Variants in TCF7L1 observed in about 807,000 individuals in gnomAD.
TCF7L1 encodes the protein transcription factor 7 like 1, also known as transcription factor 7-like 1.
In TCF7L1, 18 loss-of-function variants were observed where a neutral mutation model predicts 63.7. The observed-to-expected ratio is 0.28, with a 90% CI of 0.20 to 0.42. The LOEUF (loss-of-function observed/expected upper bound fraction) is 0.42, where lower values mean the gene tolerates loss of function less well. Among genes scored for constraint, TCF7L1 ranks in the 10% least tolerant of loss-of-function variants. The pLI is 1.00. For synonymous variants in TCF7L1, 355 were observed against 340.9 expected (o/e 1.04, Z -0.46); for missense variants, 654 against 779.3 (o/e 0.84, Z 1.91).
At chr2:85,304,210 C>T (rs369228939) in intron 6 of TCF7L1, 45 bp from the exon 7 acceptor site, 4 of 1,583,186 alleles carry the variant, frequency 2.5e-6, no homozygotes, top group South Asian at 1.1e-5. Context: ...CTTCCTCTGC[C>T]CTGAGCTTTC....
intron 4 of TCF7L1, among the ~76,000 whole-genome samples, chr2:85,289,777 T>C (rs1039896527): frequency 6.6e-6 from 1 of 151,716 alleles, no homozygotes; most frequent in African/African-American, 2.4e-5. Flanking sequence ...GTTCAAGAGA[T>C]TCTCCTGCCT....
At chr2:85,143,791 G>C (rs192547830) in intron 3 of TCF7L1, among the ~76,000 whole-genome samples, 1 of 152,350 alleles carries the variant, frequency 6.6e-6, no homozygotes, top group African/African-American at 2.4e-5. Flanking sequence ...AGCTGGGGTT[G>C]AGGGTGGATA....
intron 3 of TCF7L1, among the ~76,000 whole-genome samples, chr2:85,211,528 G>A (rs183784893): frequency 6.6e-6 from 1 of 152,360 alleles, no homozygotes; most frequent in Admixed American, 6.5e-5. Context: ...CCTTCCAGGA[G>A]GGGCAACAGC....
At chr2:85,252,763 A>G (rs921777143) in intron 3 of TCF7L1, among the ~76,000 whole-genome samples, 2 of 152,132 alleles carry the variant, frequency 1.3e-5, no homozygotes, top group Non-Finnish European at 2.9e-5. Flanking sequence ...AGGGAGCCCA[A>G]CCTCAGCACC....
intron 3 of TCF7L1, among the ~76,000 whole-genome samples, chr2:85,222,469 G>A (rs1679867879): frequency 6.6e-6 from 1 of 151,342 alleles, no homozygotes; most frequent in African/African-American, 2.4e-5. Context: ...GGAGTTCAAG[G>A]CCAGCCTGGG....
chr2:85,152,153 T>C (rs1678032373), intron 3 of TCF7L1, among the ~76,000 whole-genome samples: 1 of 152,240 alleles, frequency 6.6e-6, no homozygotes, highest in Admixed American at 6.5e-5. Context: ...CTCTGCTTAC[T>C]GGTCTGGCAG....
chr2:85,266,076 C>T (rs1393293342), intron 3 of TCF7L1, among the ~76,000 whole-genome samples: 1 of 152,112 alleles, frequency 6.6e-6, no homozygotes, highest in African/African-American at 2.4e-5. Context: ...TGTTTCGTAT[C>T]TTGCTTTTTC....
At chr2:85,234,363 T>C (rs974688669) in intron 3 of TCF7L1, among the ~76,000 whole-genome samples, 1 of 152,114 alleles carries the variant, frequency 6.6e-6, no homozygotes, top group African/African-American at 2.4e-5. Context: ...CTCGATCTCT[T>C]GACCTTGTGG....
At chr2:85,236,742 G>A (rs1360897499) in intron 3 of TCF7L1, among the ~76,000 whole-genome samples, 1 of 152,184 alleles carries the variant, frequency 6.6e-6, no homozygotes, top group Non-Finnish European at 1.5e-5. Flanking sequence ...GAGCTCCTGG[G>A]AGAAAGTCAG....
chr2:85,158,206 A>T (rs909299892), intron 3 of TCF7L1, among the ~76,000 whole-genome samples: 6 of 152,218 alleles, frequency 3.9e-5, no homozygotes, highest in Admixed American at 3.9e-4. Context: ...AGTCTAGTCC[A>T]GGACTCCTGC....
At chr2:85,165,936 G>A (rs916159066) in intron 3 of TCF7L1, among the ~76,000 whole-genome samples, 3 of 152,148 alleles carry the variant, frequency 2.0e-5, no homozygotes, top group Non-Finnish European at 2.9e-5. Flanking sequence ...CATGTTTTGT[G>A]TGTGTGTGTA....
At chr2:85,256,029 A>G (rs764788092) in intron 3 of TCF7L1, among the ~76,000 whole-genome samples, 25 of 152,130 alleles carry the variant, frequency 1.6e-4, no homozygotes, top group Non-Finnish European at 3.4e-4. Context: ...AGCGGGGAGC[A>G]TTGTCCATGT....
Position 85,236,639 on chromosome 2 carries a change from G to A in TCF7L1, c.442-46856G>A, listed in dbSNP as rs76146746. On this transcript the variant is annotated intron_variant, in intron 3 of 11. Transcript: ENST00000282111. ...AATTTCTTGGAAAGAGAGCCTTGCC[G>A]GGGATCAGTTATATGTATCTACCCA... Among the ~76,000 whole-genome samples, 1,215 of 152,236 alleles carry A rather than the reference G, an allele frequency of 8.0e-3. 10 individuals are homozygous for A. Among genetic ancestry groups the A allele is most frequent in the Non-Finnish European group, 0.013 (878 of 68,006 alleles).
intron 3 of TCF7L1, among the ~76,000 whole-genome samples, chr2:85,153,329 A>G (rs958838758): frequency 2.3e-5 from 3 of 131,318 alleles, no homozygotes; most frequent in Non-Finnish European, 4.8e-5. Flanking sequence ...TGATCTTGCT[A>G]GCCTTTATAA....
chr2:85,231,147 C>A (rs891001660), intron 3 of TCF7L1, among the ~76,000 whole-genome samples: 2 of 152,148 alleles, frequency 1.3e-5, no homozygotes, highest in African/African-American at 4.8e-5. Flanking sequence ...TAATGTGCGC[C>A]CCCAGGAAGC....
chr2:85,309,232 G>A lies in TCF7L1; in HGVS notation c.1537G>A (p.Ala513Thr). 1 of 1,614,000 alleles carries A rather than the reference G, an allele frequency of 6.2e-7. No homozygotes were observed. The highest frequency in any genetic ancestry group is 8.5e-7 in the Non-Finnish European group (1 of 1,180,012). Reference protein sequence around the residue: ...LSLTTKPETRAQLALHSAAFL... With the variant: ...LSLTTKPETRTQLALHSAAFL... ...CCTCACCACCAAACCAGAAACCCGG[G>A]CCCAGCTGGCTCTCCACTCTGCCGC... is the stretch of plus-strand genomic sequence containing the variant. Residue 513 changes from alanine to threonine, a missense_variant, in exon 12 of 12, where the codon GCC becomes ACC. Transcript: ENST00000282111.
intron 3 of TCF7L1, among the ~76,000 whole-genome samples, chr2:85,263,829 G>A (rs1430421299): frequency 6.6e-6 from 1 of 152,276 alleles, no homozygotes; most frequent in Non-Finnish European, 1.5e-5. Flanking sequence ...CAGCTTTCGA[G>A]GCATAGGCCA....
At chr2:85,183,554 G>A (rs1446199660) in intron 3 of TCF7L1, among the ~76,000 whole-genome samples, 1 of 152,128 alleles carries the variant, frequency 6.6e-6, no homozygotes, top group Non-Finnish European at 1.5e-5. Flanking sequence ...GCTTGAATAA[G>A]GCAGTAGGTG....
chr2:85,283,651 A>T (rs1389085750), intron 4 of TCF7L1, 73 bp downstream of exon 4: 9 of 1,505,932 alleles, frequency 6.0e-6, no homozygotes, highest in Non-Finnish European at 8.3e-6. Flanking sequence ...GCCTTCTGCC[A>T]TCACGCTGAA....
Sources: gnomAD v4.1 joint callset for allele counts (sites outside exome capture counted in the v4.1 genomes callset) on GRCh38, gnomAD v4.1.1 for gene constraint, MANE v1.5 for transcripts, NCBI Gene and HGNC (gene_info 2026-07-23, HGNC 2026-07-21) for gene names.